PATJ: variants seen among roughly 807,000 people sequenced by gnomAD.
The protein encoded by PATJ is inaD-like protein.
PATJ carries 190 observed loss-of-function variants against 224.9 expected under a neutral mutation model. That is an observed-to-expected ratio of 0.84 (90% CI 0.75 to 0.95). The LOEUF (loss-of-function observed/expected upper bound fraction) is 0.95. PATJ is among the 40% of genes least tolerant of loss of function. PATJ has a pLI of 0.00. For synonymous variants in PATJ, 769 were observed against 820.3 expected (o/e 0.94, Z 1.07); for missense variants, 2,121 against 2,270.3 (o/e 0.93, Z 1.34).
chr1:62,003,390 A>T (rs1017650093), intron 28 of PATJ, among the ~76,000 whole-genome samples: 2 of 152,206 alleles, frequency 1.3e-5, no homozygotes, highest in Non-Finnish European at 2.9e-5. Flanking sequence ...TGTGAGCTGC[A>T]TATTACTATT....
intron 22 of PATJ, among the ~76,000 whole-genome samples, chr1:61,896,270 TGG>T (rs1444585072): frequency 6.8e-6 from 1 of 146,588 alleles, no homozygotes; most frequent in African/African-American, 2.5e-5. Context: ...CACTCCATCC[TGG>T]GCGACAGAGG....
At chr1:61,916,671 A>AT (rs1673493956) in intron 26 of PATJ, among the ~76,000 whole-genome samples, 1 of 152,246 alleles carries the variant, frequency 6.6e-6, no homozygotes, top group African/African-American at 2.4e-5. Flanking sequence ...TCGATTTATC[A>AT]AGACAGGGGA....
intron 29 of PATJ, among the ~76,000 whole-genome samples, chr1:62,032,457 C>T (rs1649512509): frequency 6.6e-6 from 1 of 152,110 alleles, no homozygotes; most frequent in Admixed American, 6.6e-5. Flanking sequence ...CTGATAATCT[C>T]CCTTTATCTT....
At chr1:62,072,711 T>C (rs1376683703) in intron 31 of PATJ, 3 of 134,858 alleles carry the variant, frequency 2.2e-5, no homozygotes, top group African/African-American at 8.5e-5. Context: ...CACACTGCGC[T>C]CCAGCAGCAA....
intron 21 of PATJ, among the ~76,000 whole-genome samples, chr1:61,882,408 A>T (rs548351139): frequency 6.6e-6 from 1 of 152,294 alleles, no homozygotes; most frequent in South Asian, 2.1e-4. Flanking sequence ...TTCCTAGAGG[A>T]TAAATAAGAT....
chr1:61,925,425 T>C (rs986351380), intron 26 of PATJ, among the ~76,000 whole-genome samples: 2 of 152,220 alleles, frequency 1.3e-5, no homozygotes, highest in African/African-American at 4.8e-5. Context: ...TTATTCCTAC[T>C]ATCAGCGAGG....
intron 26 of PATJ, among the ~76,000 whole-genome samples, chr1:61,925,663 G>A (rs114062649): frequency 0.012 from 1,805 of 152,214 alleles, 31 homozygotes; most frequent in South Asian, 0.062. Flanking sequence ...GAGCATCTCT[G>A]TGGGACCTCC....
At chr1:62,074,312 C>T (rs932928002) in intron 31 of PATJ, among the ~76,000 whole-genome samples, 2 of 151,446 alleles carry the variant, frequency 1.3e-5, no homozygotes, top group African/African-American at 4.9e-5. Context: ...ACATATGTAA[C>T]AAACCTGCAC....
chr1:62,084,066 C>T (rs576478558), intron 32 of PATJ, among the ~76,000 whole-genome samples: 2 of 152,228 alleles, frequency 1.3e-5, no homozygotes, highest in East Asian at 3.9e-4. Context: ...CCAGCCTGGC[C>T]AGCATGGCAA....
intron 25 of PATJ, among the ~76,000 whole-genome samples, chr1:61,912,485 T>C (rs1376870711): frequency 2.6e-5 from 4 of 151,436 alleles, no homozygotes; most frequent in Non-Finnish European, 4.4e-5. Context: ...CCTCAGCTAC[T>C]TGGGAATGAG....
In PATJ at chr1:62,135,491, G is replaced by T. The variant is rs191651495; in HGVS notation, c.5271+6546G>T. On this transcript the variant is annotated intron_variant, in intron 41 of 43. Transcript: ENST00000642238. ...AGATCGCGCCACTGCACTCCATCCTGGGTGACAGAGCGAGACTCCGTCTCA... is the reference window on the plus strand; with the variant it reads ...AGATCGCGCCACTGCACTCCATCCTTGGTGACAGAGCGAGACTCCGTCTCA... Among the ~76,000 whole-genome samples, 154 of 130,826 alleles carry T rather than the reference G, an allele frequency of 1.2e-3. 1 individual carries two copies. The highest frequency in any genetic ancestry group is 4.5e-3 in the African/African-American group (152 of 34,060). The allele number at this position is 130,826 out of a possible 152,430, so 85.8% of individuals were successfully genotyped here.
chr1:61,970,480 A>G (rs1682814141), intron 27 of PATJ, among the ~76,000 whole-genome samples: 1 of 151,994 alleles, frequency 6.6e-6, no homozygotes, highest in Non-Finnish European at 1.5e-5. Flanking sequence ...ACCACACAGT[A>G]TTATACAGAG....
At position 61,817,772 on chromosome 1, in the gene PATJ, C is replaced by T. The variant is rs530212824; in HGVS notation, c.1684-5173C>T. Reference sequence around the variant, plus strand: ...ACCTCTGAGGGGGCACACCTAAGTTCGGAGGCCATCATGCTTGTGGTTTTC... The same window carrying T: ...ACCTCTGAGGGGGCACACCTAAGTTTGGAGGCCATCATGCTTGTGGTTTTC... On this transcript the variant is annotated intron_variant, in intron 14 of 43. Coordinates refer to ENST00000642238, the MANE Select transcript of PATJ (RefSeq NM_001350145.3). Among the ~76,000 whole-genome samples the T allele has an allele frequency of 6.6e-5, 10 of 152,258 alleles. No individual in the cohort carries two copies. In the South Asian group the frequency reaches 1.7e-3, roughly 25 times the overall value.
chr1:61,973,322 T>C (rs964241032), intron 27 of PATJ, among the ~76,000 whole-genome samples: 6 of 151,996 alleles, frequency 3.9e-5, no homozygotes, highest in African/African-American at 1.5e-4. Context: ...TCCCTGAAGC[T>C]TGTTCTGATG....
At chr1:61,902,205 G>A (rs1181292969) in intron 24 of PATJ, among the ~76,000 whole-genome samples, 9 of 146,188 alleles carry the variant, frequency 6.2e-5, no homozygotes, top group African/African-American at 1.5e-4. Context: ...GTGACAGAAC[G>A]ACACTCTTGT....
chr1:61,978,006 AC>A (rs1644236704), intron 27 of PATJ, among the ~76,000 whole-genome samples: 1 of 151,850 alleles, frequency 6.6e-6, no homozygotes, highest in Non-Finnish European at 1.5e-5. Context: ...CCATGTAACC[AC>A]CATCCAGGTA....
chr1:62,080,507 T>C (rs1659111630), intron 32 of PATJ, among the ~76,000 whole-genome samples: 1 of 151,898 alleles, frequency 6.6e-6, no homozygotes, highest in Admixed American at 6.6e-5. Flanking sequence ...AATTTTTACA[T>C]TTTTAGTAGA....
At chr1:62,044,847 GA>G (rs1323125885) in intron 30 of PATJ, among the ~76,000 whole-genome samples, 1 of 152,172 alleles carries the variant, frequency 6.6e-6, no homozygotes, top group Non-Finnish European at 1.5e-5. Context: ...TTTGCAGAGG[GA>G]AATATTTGTG....
intron 1 of PATJ, among the ~76,000 whole-genome samples, chr1:61,759,236 A>G (rs1025437586): frequency 6.6e-6 from 1 of 151,972 alleles, no homozygotes; most frequent in African/African-American, 2.4e-5. Context: ...AGCTATCATT[A>G]GTGTTAGTGT....
Sources: allele counts gnomAD v4.1 joint callset (sites outside exome capture counted in the v4.1 genomes callset), GRCh38; gene constraint gnomAD v4.1.1; transcripts MANE v1.5; gene names NCBI Gene and HGNC (gene_info 2026-07-23, HGNC 2026-07-21).